TYMS: variants seen among roughly 807,000 people sequenced by gnomAD.
The protein encoded by TYMS is thymidylate synthase.
In TYMS, 21 loss-of-function variants were observed where a neutral mutation model predicts 39.3. The ratio of observed to expected loss-of-function variants is 0.54; its 90% CI spans 0.38 to 0.77. The LOEUF is 0.77. Among genes scored for constraint, TYMS ranks in the 30% least tolerant of loss-of-function variants. The pLI is 0.00. For missense variants in TYMS, 273 were observed against 406.7 expected (o/e 0.67, Z 2.83); for synonymous variants, 171 against 162.2 (o/e 1.05, Z -0.41).
chr18:662,061 C>T, intron 2 of TYMS, 85 bp from the exon 3 acceptor site: 1 of 1,417,190 alleles, frequency 7.1e-7, no homozygotes, highest in Non-Finnish European at 9.4e-7. Flanking sequence ...GGCCAGAGGC[C>T]CTTGTAAGTG....
At chr18:662,059 G>A (rs952699494) in intron 2 of TYMS, 87 bp from the exon 3 acceptor site, 4 of 1,398,798 alleles carry the variant, frequency 2.9e-6, no homozygotes, top group Middle Eastern at 2.6e-4. Context: ...GGGGCCAGAG[G>A]CCCTTGTAAG....
intron 6 of TYMS, chr18:671,813 T>C (rs767135451): frequency 8.0e-6 from 2 of 249,158 alleles, no homozygotes; most frequent in Middle Eastern, 1.3e-3. Context: ...AGTCTTTCTC[T>C]GTCGGCCAGG....
chr18:671,834 C>T (rs12958458), intron 6 of TYMS: 28,193 of 223,004 alleles, frequency 0.13, 1,995 homozygotes, highest in Non-Finnish European at 0.15. Flanking sequence ...CTGGAGTGTG[C>T]CGTGGTGCGA....
Position 660,555 on chromosome 18 carries a change from A to T in TYMS, c.279+841A>T, listed in dbSNP as rs2074747186. Among the ~76,000 whole-genome samples, 1 of 152,204 alleles carries T rather than the reference A, an allele frequency of 6.6e-6. No individual in the cohort carries two copies. ...CAAACACAGCCTGCCACATAGTAGG[A>T]GTCAACATATATTGATCACTAAATG... On this transcript the variant is annotated intron_variant, in intron 2 of 6. Coordinates refer to ENST00000323274, the MANE Select transcript of TYMS (RefSeq NM_001071.4). The surrounding 1 kb of genome is among the most constrained non-coding windows in gnomAD (Gnocchi z 4.6).
intron 3 of TYMS, chr18:667,583 T>TGATGGA (rs2074880948): frequency 4.8e-5 from 4 of 83,280 alleles, no homozygotes; most frequent in Admixed American, 1.1e-4. Context: ...ATGGTGATGG[T>TGATGGA]GATGGTGATG....
intron 5 of TYMS, 29 bp from the exon 6 acceptor site, chr18:671,351 C>A (rs779270127): frequency 1.4e-5 from 20 of 1,429,304 alleles, no homozygotes; most frequent in Non-Finnish European, 1.8e-5. Context: ...AACTAACATA[C>A]TGTTCTGCTT....
rs1191382037 is a variant in TYMS at position 658,626 on chromosome 18, C to A, written c.205+679C>A. The stretch of plus-strand genomic sequence containing the variant: ...TCGCGGGTCATTGGCGCCAGGCTTT[C>A]AGGGGACAGTGGGGCGGGGCGGGGT... On this transcript the variant is annotated intron_variant, in intron 1 of 6. Transcript: ENST00000323274. The surrounding 1 kb of genome is among the most constrained non-coding windows in gnomAD (Gnocchi z 4.5). 1.4e-5 allele frequency: 3 copies of A among 210,926 alleles called. No homozygotes were observed. The highest frequency in any genetic ancestry group is 2.8e-5 in the Non-Finnish European group (3 of 109,030). 13.1% of individuals were successfully genotyped at this position (210,926 alleles called of 1,614,324 possible).
intron 1 of TYMS, among the ~76,000 whole-genome samples, chr18:659,160 T>G (rs2144256873): frequency 6.6e-6 from 1 of 152,320 alleles, no homozygotes; most frequent in East Asian, 1.9e-4. Context: ...AATCTCTCTG[T>G]TGTCTGAATA....
At chr18:668,638 C>T (rs747376185) in intron 3 of TYMS, among the ~76,000 whole-genome samples, 1 of 152,158 alleles carries the variant, frequency 6.6e-6, no homozygotes, top group Non-Finnish European at 1.5e-5. Flanking sequence ...CTATATTCTA[C>T]ATAAGATACA....
At chr18:662,114 G>A (rs777419096) in intron 2 of TYMS, 32 bp from the exon 3 acceptor site, 100 of 1,571,312 alleles carry the variant, frequency 6.4e-5, no homozygotes, top group Non-Finnish European at 8.4e-5. Flanking sequence ...GATTTACCTG[G>A]ATGCCTGCTC....
Position 670,831 on chromosome 18 carries a change from G to A in TYMS, c.696G>A (p.Leu232=), listed in dbSNP as rs1598479234. The change falls in exon 5 of 7, where the codon CTG becomes CTA. Residue 232 remains leucine, a synonymous_variant. Coordinates refer to ENST00000323274, the MANE Select transcript of TYMS (RefSeq NM_001071.4). ...GVPFNIASYA[L]LTYMIAHITG... ...CTTTCAACATCGCCAGCTACGCCCT[G>A]CTCACGTACATGATTGCGCACATCA... The A allele has an allele frequency of 6.2e-7, 1 of 1,614,026 alleles. No homozygotes were observed. The highest frequency in any genetic ancestry group is 2.2e-5 in the East Asian group (1 of 44,882).
At chr18:672,819 C>T (rs371335219) in intron 6 of TYMS, 41 bp from the exon 7 acceptor site, 37 of 1,536,750 alleles carry the variant, frequency 2.4e-5, no homozygotes, top group Admixed American at 1.4e-4. Context: ...TACAACAGGT[C>T]GTACAATTAT....
chr18:665,898 G>A (rs1258361680), intron 3 of TYMS, among the ~76,000 whole-genome samples: 1 of 97,894 alleles, frequency 1.0e-5, no homozygotes, highest in Admixed American at 8.6e-5. Context: ...TATAATTTCT[G>A]TTCTTTTACA....
At chr18:672,634 A>G (rs2075114157) in intron 6 of TYMS, 1 of 375,254 alleles carries the variant, frequency 2.7e-6, no homozygotes, top group East Asian at 3.8e-5. Context: ...CAGGCTCCTG[A>G]TGCTGTGTAA....
Position 663,119 on chromosome 18 carries a change from T to G in TYMS, c.454+799T>G, listed in dbSNP as rs2074773804. Among the ~76,000 whole-genome samples, 2 of 96,950 alleles carry G rather than the reference T, an allele frequency of 2.1e-5. 1 individual carries two copies. The highest frequency in any genetic ancestry group is 1.3e-4 in the African/African-American group (2 of 14,942). The allele number at this position is 96,950 out of a possible 152,430, so 63.6% of individuals were successfully genotyped here. ...GACTTCCACAATGGTTGAACTAGTT[T>G]ACAGTCCCACCAACAGTATAAAAGT... On this transcript the variant is annotated intron_variant, in intron 3 of 6. Transcript: ENST00000323274.
intron 3 of TYMS, 116 bp from the exon 4 acceptor site, chr18:668,956 G>A: frequency 1.3e-6 from 1 of 759,390 alleles, no homozygotes; most frequent in East Asian, 2.7e-5. Context: ...ATGTCTTGTA[G>A]CCATGGGTCA....
chr18:670,459 G>C (rs1439222460), intron 4 of TYMS: 2 of 529,392 alleles, frequency 3.8e-6, no homozygotes, highest in South Asian at 2.5e-5. Flanking sequence ...TGATGGAAGA[G>C]CATTGCTTCA....
chr18:664,569 TGA>T (rs1178669820), intron 3 of TYMS, among the ~76,000 whole-genome samples: 3 of 134,436 alleles, frequency 2.2e-5, no homozygotes, highest in Admixed American at 2.2e-4. Context: ...ATAGGAGTGG[TGA>T]GAGAGGGCAT....
intron 3 of TYMS, among the ~76,000 whole-genome samples, chr18:667,925 G>C (rs1005610419): frequency 2.0e-5 from 3 of 149,834 alleles, no homozygotes; most frequent in African/African-American, 7.4e-5. Context: ...TGAATGCTTA[G>C]CTGTTGGATT....
Sources: gnomAD v4.1 joint callset for allele counts (sites outside exome capture counted in the v4.1 genomes callset) on GRCh38, gnomAD v4.1.1 for gene constraint, Gnocchi (gnomAD v3.1) non-coding constraint, MANE v1.5 for transcripts, NCBI Gene and HGNC (gene_info 2026-07-23, HGNC 2026-07-21) for gene names.